Variants in ZNF782 observed in about 807,000 individuals in gnomAD.
ZNF782 encodes zinc finger protein 782.
A neutral mutation model predicts 13.0 loss-of-function variants in ZNF782; 12 were observed. The ratio of observed to expected loss-of-function variants is 0.92; its 90% CI spans 0.59 to 1.50. ZNF782 has a LOEUF of 1.50. Ranked by LOEUF, ZNF782 falls within the 40% of genes most tolerant of loss-of-function variation. The pLI, the probability that ZNF782 is intolerant of heterozygous loss-of-function variation, is 0.00. For synonymous variants in ZNF782, 284 were observed against 283.0 expected, an observed-to-expected ratio of 1.00 and a Z score of -0.04; for missense variants, 770 against 822.9, an observed-to-expected ratio of 0.94 and a Z score of 0.79.
chr9:96,881,679 T>C, the ZNF782 span, among the ~76,000 whole-genome samples: 1 of 152,102 alleles, frequency 6.6e-6, no homozygotes, highest in Non-Finnish European at 1.5e-5. Context: ...TATCCTTCCC[T>C]TGCTGAGGTA....
chr9:96,818,268 A>C lies in ZNF782; in HGVS notation c.1755T>G (p.Thr585=). 1 of 1,609,070 alleles carries C rather than the reference A, an allele frequency of 6.2e-7. No individual in the cohort carries two copies. The highest frequency in any genetic ancestry group is 8.5e-7 in the Non-Finnish European group (1 of 1,178,384). ...SNLRVHHRTH[T]GEKPYQCEEC... ...CCTCACATTGATAGGGTTTCTCCCC[A>C]GTATGAGTTCTGTGATGTACTCTGA... The change falls in exon 6 of 6, where the codon ACT becomes ACG. Residue 585 remains threonine, a synonymous_variant. Coordinates refer to ENST00000481138, the MANE Select transcript of ZNF782 (RefSeq NM_001001662.3).
chr9:96,848,998 A>T (rs1851417719), intron 3 of ZNF782, among the ~76,000 whole-genome samples: 1 of 152,214 alleles, frequency 6.6e-6, no homozygotes. Context: ...GGAACAGAAT[A>T]GAGAACCCAG....
At position 96,818,884 on chromosome 9, in the gene ZNF782, T is replaced by A; in HGVS notation, c.1139A>T (p.His380Leu). ...ECGKSCSMNS[H>L]LIWPQKSHTG... ...GTGACTTTTCTGAGGCCAAATCAAG[T>A]GTGAATTCATAGAGCAGGATTTCCC... Residue 380 changes from histidine to leucine, a missense_variant, in exon 6 of 6, where the codon CAC becomes CTC. By Grantham distance (99) the His-to-Leu change is moderately conservative (BLOSUM62 -3). Transcript: ENST00000481138. The A allele has an allele frequency of 1.2e-6, 2 of 1,614,222 alleles. No homozygotes were observed. Among genetic ancestry groups the A allele is most frequent in the Non-Finnish European group, 1.7e-6 (2 of 1,180,036 alleles).
rs1238061638 is a variant in ZNF782 at position 96,819,224 on chromosome 9, C to A, written c.799G>T (p.Glu267Ter). 3 of 1,611,018 alleles carry A rather than the reference C, an allele frequency of 1.9e-6. No individual in the cohort carries two copies. The highest frequency in any genetic ancestry group is 1.7e-5 in the Admixed American group (1 of 59,456). ...TCATTAAACTCATAGTGACTCTTCTCTGGATTCATGTTCTGAGGAATAATA... is the reference window on the plus strand; with the variant it reads ...TCATTAAACTCATAGTGACTCTTCTATGGATTCATGTTCTGAGGAATAATA... ...TFIIPQNMNPEKSHYEFNDTG... is the reference protein window; with the variant it reads ...TFIIPQNMNP Residue 267 changes from glutamate to a stop codon, truncating the protein, a stop_gained, in exon 6 of 6, where the codon GAG becomes TAG. Transcript: ENST00000481138. LOFTEE classifies it low-confidence loss of function (END_TRUNC).
the ZNF782 span, among the ~76,000 whole-genome samples, chr9:96,898,550 T>C: frequency 2.0e-5 from 3 of 148,988 alleles, no homozygotes; most frequent in Non-Finnish European, 2.9e-5. Flanking sequence ...AACCATTTCC[T>C]TTTTTCTTTT....
chr9:96,854,635 C>T (rs1851613031), upstream of ZNF782: 2 of 152,270 alleles, frequency 1.3e-5, no homozygotes, highest in South Asian at 4.1e-4. Flanking sequence ...TGACTCCTCA[C>T]GTTTCGGCGA....
chr9:96,893,115 G>C, the ZNF782 span: 1 of 152,134 alleles, frequency 6.6e-6, no homozygotes, highest in Non-Finnish European at 1.5e-5. Flanking sequence ...ACACTTATGT[G>C]CTCACAATTT....
At chr9:96,820,085 A>G (rs1355051899) in intron 5 of ZNF782, among the ~76,000 whole-genome samples, 5 of 152,194 alleles carry the variant, frequency 3.3e-5, no homozygotes, top group African/African-American at 7.2e-5. Flanking sequence ...TGTATACGTA[A>G]GAGCATTGGA....
rs149704606 is a variant in ZNF782 at position 96,830,288 on chromosome 9, G to C, written c.143-3107C>G. Among the ~76,000 whole-genome samples, 248 of 152,098 alleles carry C rather than the reference G, an allele frequency of 1.6e-3. 1 individual carries two copies. The highest frequency in any genetic ancestry group is 5.7e-3 in the African/African-American group (237 of 41,388). On this transcript the variant is annotated intron_variant, in intron 4 of 5. Coordinates refer to ENST00000481138, the MANE Select transcript of ZNF782 (RefSeq NM_001001662.3). ...TCTGTGCTCACCAGGCTGTAAGAAG[G>C]CTCCCTTACTGTTCCACCAGGGTCA...
chr9:96,886,933 A>C, the ZNF782 span, among the ~76,000 whole-genome samples: 1 of 150,282 alleles, frequency 6.7e-6, no homozygotes, highest in Non-Finnish European at 1.5e-5. Flanking sequence ...AAAAAAAAAA[A>C]AAAAACTATA....
At chr9:96,885,395 G>A in the ZNF782 span, among the ~76,000 whole-genome samples, 1 of 151,904 alleles carries the variant, frequency 6.6e-6, no homozygotes, top group Non-Finnish European at 1.5e-5. Context: ...ACATAAAAGA[G>A]GATAAAATCA....
intron 4 of ZNF782, among the ~76,000 whole-genome samples, chr9:96,830,510 C>T (rs1483562598): frequency 2.6e-5 from 4 of 152,182 alleles, no homozygotes; most frequent in African/African-American, 9.7e-5. Context: ...GACAATCCCT[C>T]CTCCTCTAGG....
chr9:96,826,341 T>C (rs1003247763), intron 5 of ZNF782, among the ~76,000 whole-genome samples: 41 of 151,412 alleles, frequency 2.7e-4, no homozygotes, highest in Non-Finnish European at 4.9e-4. Flanking sequence ...TAGGTGGGAA[T>C]TGAACAATGA....
chr9:96,874,475 C>T (rs766996438), intron 1 of ZNF782, among the ~76,000 whole-genome samples: 1 of 152,172 alleles, frequency 6.6e-6, no homozygotes, highest in Non-Finnish European at 1.5e-5. Context: ...TTACCTCTTA[C>T]CCCTAGACCT....
the ZNF782 span, among the ~76,000 whole-genome samples, chr9:96,911,271 A>C: frequency 2.8e-5 from 4 of 142,448 alleles, no homozygotes; most frequent in African/African-American, 7.6e-5. Flanking sequence ...AACCCCATCT[A>C]TACTAAAAAT....
chr9:96,897,599 G>A, the ZNF782 span, among the ~76,000 whole-genome samples: 1 of 151,030 alleles, frequency 6.6e-6, no homozygotes, highest in African/African-American at 2.5e-5. Flanking sequence ...GCTCTTGAAT[G>A]TCTATGTAAC....
At chr9:96,920,028 G>A in the ZNF782 span, among the ~76,000 whole-genome samples, 3 of 151,202 alleles carry the variant, frequency 2.0e-5, no homozygotes, top group Non-Finnish European at 2.9e-5. Context: ...CTAAGACACA[G>A]GATTAAGAAG....
At chr9:96,887,113 A>G in the ZNF782 span, among the ~76,000 whole-genome samples, 5 of 151,920 alleles carry the variant, frequency 3.3e-5, no homozygotes, top group Non-Finnish European at 7.4e-5. Flanking sequence ...CAGGAGTTTG[A>G]GATCAGCCTG....
the ZNF782 span, among the ~76,000 whole-genome samples, chr9:96,882,967 T>G: frequency 4.6e-5 from 7 of 152,046 alleles, no homozygotes; most frequent in African/African-American, 4.8e-5. Context: ...ACCTTGTTCA[T>G]GAAGGAACAA....
Sources: gnomAD v4.1 joint callset for allele counts (sites outside exome capture counted in the v4.1 genomes callset) on GRCh38, gnomAD v4.1.1 for gene constraint, MANE v1.5 for transcripts, NCBI Gene and HGNC (gene_info 2026-07-23, HGNC 2026-07-21) for gene names.